NHSL2: variants seen among roughly 807,000 people sequenced by gnomAD.
The protein encoded by NHSL2 is NHS-like protein 2.
Under a neutral mutation model 53.4 loss-of-function variants are expected in NHSL2, and 27 were observed. That is an observed-to-expected ratio of 0.51 (90% CI 0.37 to 0.70). The LOEUF is 0.70. Among genes scored for constraint, NHSL2 ranks in the 30% least tolerant of loss-of-function variants. The pLI, the probability that NHSL2 is intolerant of heterozygous loss-of-function variation, is 0.00. For missense variants in NHSL2, 892 were observed against 980.1 expected (o/e 0.91, Z 1.20); for synonymous variants, 408 against 404.1 (o/e 1.01, Z -0.12).
At chrX:71,960,175 T>C (rs1475896167) in intron 1 of NHSL2, among the ~76,000 whole-genome samples, 2 of 112,433 alleles carry the variant, frequency 1.8e-5, no homozygotes, top group Admixed American at 9.4e-5. Flanking sequence ...TGGAGAAATA[T>C]CTTTTCAAAT....
chrX:71,970,161 TTTTGTTGAGGAC>T (rs1287644518), intron 1 of NHSL2, among the ~76,000 whole-genome samples: 3 of 111,946 alleles, frequency 2.7e-5, no homozygotes, highest in African/African-American at 9.7e-5. Context: ...TCTGCTAGTG[TTTTGTTGAGGAC>T]TTTGCATCTA....
At chrX:71,958,818 T>G (rs1384162229) in intron 1 of NHSL2, among the ~76,000 whole-genome samples, 1 of 112,373 alleles carries the variant, frequency 8.9e-6, no homozygotes, top group Non-Finnish European at 1.9e-5. Flanking sequence ...TCATTGAATC[T>G]TCAAAACAAT....
chrX:72,087,467 A>G (rs2041858729), intron 1 of NHSL2, among the ~76,000 whole-genome samples: 1 of 112,852 alleles, frequency 8.9e-6, no homozygotes, highest in Non-Finnish European at 1.9e-5. Flanking sequence ...AATAGGTTTC[A>G]TGCCATTGAA....
intron 1 of NHSL2, among the ~76,000 whole-genome samples, chrX:71,971,228 G>A (rs1267988550): frequency 9.0e-6 from 1 of 111,228 alleles, no homozygotes; most frequent in Non-Finnish European, 1.9e-5. Flanking sequence ...ACCTTAACTT[G>A]TCAGAATCTA....
At chrX:71,988,546 G>T (rs144541245) in intron 1 of NHSL2, among the ~76,000 whole-genome samples, 122 of 110,703 alleles carry the variant, frequency 1.1e-3, no homozygotes, top group African/African-American at 3.9e-3. Context: ...TATTAAGAGG[G>T]GTCTTTAACC....
At chrX:72,097,219 G>A (rs56239409) in intron 1 of NHSL2, among the ~76,000 whole-genome samples, 162 of 112,158 alleles carry the variant, frequency 1.4e-3, no homozygotes, top group African/African-American at 5.0e-3. Context: ...GGGCCCAAAA[G>A]GGGAAGAAAT....
At chrX:72,134,319 C>T (rs2042335895) in intron 3 of NHSL2, 101 bp downstream of exon 3, 1 of 957,041 alleles carries the variant, frequency 1.0e-6, no homozygotes, top group African/African-American at 1.9e-5. Context: ...CAGCCCTGCT[C>T]ACCAGCAGAG....
chrX:72,130,234 C>T, intron 1 of NHSL2: 3 of 1,210,340 alleles, frequency 2.5e-6, no homozygotes, highest in Non-Finnish European at 3.4e-6. Flanking sequence ...CTGTGGCTCT[C>T]CTTCTGGTTT....
At chrX:71,991,830 C>G (rs2042028586) in intron 1 of NHSL2, among the ~76,000 whole-genome samples, 1 of 110,367 alleles carries the variant, frequency 9.1e-6, no homozygotes, top group Non-Finnish European at 1.9e-5. Context: ...CTCTCTCTCT[C>G]TCTCTCTCTC....
At chrX:72,122,184 G>A (rs979528019) in intron 1 of NHSL2, among the ~76,000 whole-genome samples, 1 of 112,026 alleles carries the variant, frequency 8.9e-6, no homozygotes, top group Non-Finnish European at 1.9e-5. Flanking sequence ...ACTACCAAAA[G>A]CGTCCATTAC....
At position 72,106,251 on chromosome X, in the gene NHSL2, TAC is replaced by T. The variant is rs148976162; in HGVS notation, c.281-25806_281-25805del. ...TGAATTCATTCATTCATTCCCTCAT[TAC>T]ACACACACACACACACACACATACA... is the stretch of plus-strand genomic sequence containing the variant. On this transcript the variant is annotated intron_variant, in intron 1 of 7. Transcript: ENST00000633930. Among the ~76,000 whole-genome samples, 366 of 105,266 alleles carry T rather than the reference TAC, an allele frequency of 3.5e-3. 2 individuals carry two copies. Among genetic ancestry groups the T allele is most frequent in the African/African-American group, 9.7e-3 (284 of 29,201 alleles). 91.4% of individuals were successfully genotyped at this position (105,266 alleles called of 115,157 possible).
At chrX:72,036,775 GC>G (rs1392238047) in intron 1 of NHSL2, among the ~76,000 whole-genome samples, 2 of 111,495 alleles carry the variant, frequency 1.8e-5, no homozygotes, top group African/African-American at 6.5e-5. Context: ...CTGCTGTTGA[GC>G]CCATCCACTG....
At chrX:71,994,489 C>T (rs1335879634) in intron 1 of NHSL2, among the ~76,000 whole-genome samples, 2 of 110,850 alleles carry the variant, frequency 1.8e-5, no homozygotes, top group African/African-American at 6.6e-5. Flanking sequence ...GGCATGTTCA[C>T]GCCCCAGTGT....
intron 1 of NHSL2, among the ~76,000 whole-genome samples, chrX:72,109,325 A>G (rs2042071248): frequency 1.8e-5 from 2 of 112,257 alleles, no homozygotes; most frequent in East Asian, 2.8e-4. Context: ...CATTTTATAG[A>G]TGAGGCACTG....
At chrX:72,114,276 C>A (rs181964263) in intron 1 of NHSL2, among the ~76,000 whole-genome samples, 2 of 112,246 alleles carry the variant, frequency 1.8e-5, no homozygotes, top group Non-Finnish European at 3.8e-5. Flanking sequence ...AAAAGCATGA[C>A]AATTTTTAAA....
chrX:71,931,971 C>T (rs1237285719), intron 1 of NHSL2, among the ~76,000 whole-genome samples: 1 of 112,455 alleles, frequency 8.9e-6, no homozygotes, highest in East Asian at 2.8e-4. Context: ...AGGATATCCA[C>T]ATTCATTTTT....
intron 1 of NHSL2, among the ~76,000 whole-genome samples, chrX:71,991,717 C>T (rs913377320): frequency 8.9e-6 from 1 of 112,443 alleles, no homozygotes; most frequent in Non-Finnish European, 1.9e-5. Context: ...GCCCAAGTTG[C>T]CTAGCCCAGT....
In NHSL2 at chrX:72,139,430, G is replaced by A; in HGVS notation, c.1882G>A (p.Asp628Asn). The A allele has an allele frequency of 1.7e-6, 2 of 1,210,892 alleles. No individual in the cohort carries two copies. The highest frequency in any genetic ancestry group is 1.8e-5 in the South Asian group (1 of 56,883). The change falls in exon 6 of 8, where the codon GAT (aspartate) becomes AAT (asparagine). Residue 628 changes from aspartate to asparagine, a missense_variant. Asp to Asn is a conservative substitution (Grantham distance 23). Transcript: ENST00000633930. The stretch of plus-strand genomic sequence containing the variant: ...TCACCCAGCTATTCCAAACCACAAA[G>A]ATCCAGAAAGTACACAATTCTCCCA... The part of the protein sequence containing the change: ...QGHPAIPNHK[D>N]PESTQFSHHW...
At chrX:72,026,486 G>A (rs2042186454) in intron 1 of NHSL2, among the ~76,000 whole-genome samples, 1 of 112,308 alleles carries the variant, frequency 8.9e-6, no homozygotes, top group Non-Finnish European at 1.9e-5. Context: ...ATGGGGAGGA[G>A]GTGGGCAGCT....
Sources: allele counts gnomAD v4.1 joint callset (sites outside exome capture counted in the v4.1 genomes callset), GRCh38; gene constraint gnomAD v4.1.1; transcripts MANE v1.5; gene names NCBI Gene and HGNC (gene_info 2026-07-23, HGNC 2026-07-21).